The following ADCY7 variants were observed in gnomAD, a reference collection of about 807,000 sequenced individuals.
The protein encoded by ADCY7 is adenylate cyclase type 7.
A neutral mutation model predicts 120.6 loss-of-function variants in ADCY7; 72 were observed. That is an observed-to-expected ratio of 0.60 (90% CI 0.49 to 0.73). The LOEUF (loss-of-function observed/expected upper bound fraction) is 0.73. ADCY7 is among the 30% of genes least tolerant of loss of function. The pLI, the probability that ADCY7 is intolerant of heterozygous loss-of-function variation, is 0.00. For missense variants in ADCY7, 1,227 were observed against 1,486.0 expected (o/e 0.83, Z 2.87); for synonymous variants, 661 against 628.0 (o/e 1.05, Z -0.78).
At chr16:50,263,279 T>G (rs115699834), upstream of ADCY7, among the ~76,000 whole-genome samples, 1,148 of 152,118 alleles carry the variant, frequency 7.5e-3, 15 homozygotes, top group African/African-American at 0.026. Flanking sequence ...GCTCAGATCC[T>G]GCCTGCCGGG....
chr16:50,246,750 C>T (rs1387524412), intron 1 of ADCY7, among the ~76,000 whole-genome samples: 1 of 152,214 alleles, frequency 6.6e-6, no homozygotes, highest in Non-Finnish European at 1.5e-5. Context: ...GCCCCTGCCT[C>T]GGACCCCAAC....
At chr16:50,309,469 C>T (rs1227941825) in intron 17 of ADCY7, 79 bp from the exon 18 acceptor site, 7 of 1,214,316 alleles carry the variant, frequency 5.8e-6, no homozygotes, top group African/African-American at 3.0e-5. Flanking sequence ...CTCATGGTTG[C>T]CTGGGGCCCA....
chr16:50,262,092 C>T (rs981098971), upstream of ADCY7, among the ~76,000 whole-genome samples: 7 of 152,190 alleles, frequency 4.6e-5, no homozygotes, highest in African/African-American at 1.7e-4. Flanking sequence ...CCTTGGCTGA[C>T]TGACAGCTTG....
At chr16:50,307,973 G>A (rs2036182801) in intron 15 of ADCY7, among the ~76,000 whole-genome samples, 1 of 141,800 alleles carries the variant, frequency 7.1e-6, no homozygotes. Context: ...TCCAGCCTGG[G>A]TGACAGAGTG....
At chr16:50,264,883 C>T (rs371868753), upstream of ADCY7, among the ~76,000 whole-genome samples, 280 of 140,792 alleles carry the variant, frequency 2.0e-3, 3 homozygotes, top group African/African-American at 7.1e-3. Context: ...GTTGCCCAGG[C>T]TGGAGTGCAG....
intron 12 of ADCY7, 28 bp downstream of exon 12, chr16:50,304,987 C>T (rs1346860942): frequency 1.1e-5 from 17 of 1,612,502 alleles, no homozygotes; most frequent in Non-Finnish European, 1.4e-5. Context: ...CTGGCCAAGT[C>T]CTGCTGCAGC....
chr16:50,264,833 CTT>C (rs34527039), upstream of ADCY7, among the ~76,000 whole-genome samples: 56 of 110,310 alleles, frequency 5.1e-4, 1 homozygote, highest in Middle Eastern at 5.1e-3. Flanking sequence ...TGTGGGAGGT[CTT>C]TTTTTTTTTT....
intron 1 of ADCY7, among the ~76,000 whole-genome samples, chr16:50,267,963 T>A (rs2033325295): frequency 6.6e-6 from 1 of 152,150 alleles, no homozygotes; most frequent in Admixed American, 6.5e-5. Flanking sequence ...TCCCAAGGTT[T>A]ACCTGCAGCT....
chr16:50,305,362 C>T (rs1246039796), intron 12 of ADCY7, 141 bp from the exon 13 acceptor site: 3 of 782,716 alleles, frequency 3.8e-6, no homozygotes, highest in Non-Finnish European at 6.4e-6. Context: ...CTCGCCCTCT[C>T]TGGGCCTCAG....
chr16:50,248,190 G>T (rs550385772), intron 1 of ADCY7, among the ~76,000 whole-genome samples: 4 of 152,120 alleles, frequency 2.6e-5, no homozygotes, highest in East Asian at 1.9e-4. Context: ...GTGAGTGCCC[G>T]ACCACGGGCA....
In ADCY7 at chr16:50,308,830, A is replaced by G. The variant is rs541338442; in HGVS notation, c.2061+38A>G. 2,436 of 1,571,050 alleles carry G rather than the reference A, an allele frequency of 1.6e-3. 37 individuals are homozygous for G. The African/African-American group carries it at 0.03, about 19-fold the overall frequency. ...GTGGGGAGGCAGGCCTCCGGGGTAG[A>G]GGGAGACCTCCAGATTTGGGACGCC... On this transcript the variant is annotated intron_variant, in intron 17 of 25. Coordinates refer to ENST00000673801, the MANE Select transcript of ADCY7 (RefSeq NM_001114.5).
intron 1 of ADCY7, among the ~76,000 whole-genome samples, chr16:50,267,363 G>A (rs1303084793): frequency 2.0e-5 from 3 of 152,234 alleles, no homozygotes; most frequent in African/African-American, 7.2e-5. Context: ...CAGGGTCAAG[G>A]GCAGGGACAT....
At chr16:50,252,182 C>T (rs369662061) in intron 1 of ADCY7, among the ~76,000 whole-genome samples, 61 of 152,252 alleles carry the variant, frequency 4.0e-4, no homozygotes, top group African/African-American at 1.3e-3. Flanking sequence ...TTCTCTGTGC[C>T]GAGCCTCTGG....
chr16:50,287,825 G>C, intron 1 of ADCY7, 87 bp from the exon 2 acceptor site: 1 of 262,518 alleles, frequency 3.8e-6, no homozygotes, highest in Non-Finnish European at 7.2e-6. Context: ...ACTTGGTGCT[G>C]TGAGGCCTGG....
intron 8 of ADCY7, among the ~76,000 whole-genome samples, chr16:50,299,487 T>G (rs1202571589): frequency 6.6e-6 from 1 of 152,222 alleles, no homozygotes; most frequent in Non-Finnish European, 1.5e-5. Flanking sequence ...AGGTCCCCTG[T>G]GGCTCTGAGC....
At position 50,308,386 on chromosome 16, in the gene ADCY7, G is replaced by A; in HGVS notation, c.1910G>A (p.Gly637Asp). ...GCCTGTGTACTGGGGCTGGTGCTGG[G>A]CCTGTGCTTTGCCACCAAGTTCTCG... ...LVACVLGLVL[G>D]LCFATKFSRC... The change falls in exon 16 of 26, where the codon GGC becomes GAC. Residue 637 changes from glycine (G) to aspartate (D), a missense_variant. By Grantham distance (94) the Gly-to-Asp change is moderately conservative. Around this residue, in one of 5 missense-constraint regions of ADCY7, gnomAD observed 267 missense variants for 270.0 expected, o/e 0.99. Transcript: ENST00000673801. 6.2e-7 allele frequency: 1 copy of A among 1,614,134 alleles called. No homozygotes were observed. The highest frequency in any genetic ancestry group is 8.5e-7 in the Non-Finnish European group (1 of 1,180,016).
At chr16:50,295,840 TG>T (rs1475434198) in intron 7 of ADCY7, among the ~76,000 whole-genome samples, 1 of 152,048 alleles carries the variant, frequency 6.6e-6, no homozygotes, top group Non-Finnish European at 1.5e-5. Flanking sequence ...ACATGGTATG[TG>T]CTTTGAAGAA....
intron 8 of ADCY7, among the ~76,000 whole-genome samples, chr16:50,299,655 T>A (rs1334474167): frequency 1.3e-5 from 2 of 152,232 alleles, no homozygotes. Context: ...CCTGAAGTCC[T>A]GCCATAGGTG....
intron 7 of ADCY7, among the ~76,000 whole-genome samples, chr16:50,298,663 G>A (rs2151005941): frequency 6.6e-6 from 1 of 152,304 alleles, no homozygotes; most frequent in African/African-American, 2.4e-5. Flanking sequence ...ACCCCTCCCC[G>A]AGGCCCTTAG....
Sources: allele counts gnomAD v4.1 joint callset (sites outside exome capture counted in the v4.1 genomes callset), GRCh38; gene constraint gnomAD v4.1.1; regional missense constraint gnomAD v4.1.1; transcripts MANE v1.5; gene names NCBI Gene and HGNC (gene_info 2026-07-23, HGNC 2026-07-21).